The following CRYBG1 variants were observed in gnomAD, a reference collection of about 807,000 sequenced individuals.
The protein encoded by CRYBG1 is crystallin beta-gamma domain containing 1.
Under a neutral mutation model 189.2 loss-of-function variants are expected in CRYBG1, and 139 were observed. That is an observed-to-expected ratio of 0.73 (90% CI 0.64 to 0.85). CRYBG1 has a LOEUF of 0.85. Ranked by LOEUF, CRYBG1 falls within the 40% of genes least tolerant of loss-of-function variation. The pLI, the probability that CRYBG1 is intolerant of heterozygous loss-of-function variation, is 0.00. For missense variants in CRYBG1, 2,611 were observed against 2,675.8 expected, an observed-to-expected ratio of 0.98 and a Z score of 0.53; for synonymous variants, 1,023 against 1,017.1, an observed-to-expected ratio of 1.01 and a Z score of -0.11.
rs764476715 is a variant in CRYBG1, at chr6:106,499,132, T to TG, written c.313-12298_313-12297insG. 5.9e-3 allele frequency among the ~76,000 whole-genome samples: 307 copies of TG among 51,798 alleles called. 6 individuals carry two copies. In the East Asian group the frequency reaches 0.066, roughly 11 times the overall value. The allele number at this position is 51,798 out of a possible 152,430, so 34.0% of individuals were successfully genotyped here. A position where few individuals can be genotyped will look rare whatever the true frequency, so the allele number is the denominator to read the frequency against. On this transcript the variant is annotated intron_variant, in intron 2 of 21. Transcript: ENST00000633556. ...TTTTTTTGTTTGTGTGTTTTTTGTTTTTTGTTTGTTTGTTTGTTTGTTTGT... is the reference window on the plus strand; with the variant it reads ...TTTTTTTGTTTGTGTGTTTTTTGTTTGTTTGTTTGTTTGTTTGTTTGTTTGT...
intron 1 of CRYBG1, among the ~76,000 whole-genome samples, chr6:106,445,513 C>T (rs569569006): frequency 3.3e-5 from 5 of 152,304 alleles, no homozygotes; most frequent in African/African-American, 1.2e-4. Context: ...AAAGTACCAT[C>T]TATATAATTC....
chr6:106,375,411 A>G (rs914174847), intron 1 of CRYBG1, among the ~76,000 whole-genome samples: 2 of 137,690 alleles, frequency 1.5e-5, no homozygotes, highest in African/African-American at 6.0e-5. Flanking sequence ...GTAAGTAAGT[A>G]AGTAAGTAAG....
rs1291241201 is a variant in CRYBG1, at chr6:106,570,724, A to G, written c.*2158A>G. 6.6e-6 allele frequency: 1 copy of G among 152,226 alleles called. No homozygotes were observed. Among genetic ancestry groups the G allele is most frequent in the African/African-American group, 2.4e-5 (1 of 41,460 alleles). 9.4% of individuals were successfully genotyped at this position (152,226 alleles called of 1,614,324 possible). On this transcript the variant is annotated 3_prime_UTR_variant, in exon 22 of 22. Coordinates refer to ENST00000633556, the MANE Select transcript of CRYBG1 (RefSeq NM_001371242.2). ...CTGAGGCTGCTCCAGATGGAAGTCA[A>G]GAGCAGCTGGTATTTACACCTGGAA...
At chr6:106,495,777 A>T (rs1772834280) in intron 2 of CRYBG1, among the ~76,000 whole-genome samples, 1 of 144,378 alleles carries the variant, frequency 6.9e-6, no homozygotes, top group African/African-American at 2.5e-5. Flanking sequence ...CCCATTGTTG[A>T]GTGTACTATA....
chr6:106,484,525 G>A (rs112561261), intron 2 of CRYBG1, among the ~76,000 whole-genome samples: 2 of 152,166 alleles, frequency 1.3e-5, no homozygotes, highest in African/African-American at 4.8e-5. Flanking sequence ...TTGCCATGTT[G>A]CCCAGGCTGG....
chr6:106,521,968 C>T (rs753942518), intron 4 of CRYBG1, among the ~76,000 whole-genome samples: 12 of 152,172 alleles, frequency 7.9e-5, no homozygotes, highest in South Asian at 2.1e-4. Context: ...CTCCTGACCT[C>T]GTGATCCATC....
intron 1 of CRYBG1, among the ~76,000 whole-genome samples, chr6:106,372,825 T>C (rs1415112091): frequency 1.3e-5 from 2 of 152,238 alleles, no homozygotes; most frequent in African/African-American, 2.4e-5. Flanking sequence ...GTCTTCATAG[T>C]AGCTGTGCCA....
intron 2 of CRYBG1, among the ~76,000 whole-genome samples, chr6:106,452,486 A>G (rs1279336822): frequency 6.6e-6 from 1 of 151,182 alleles, no homozygotes; most frequent in Non-Finnish European, 1.5e-5. Context: ...TGCTGCCTTC[A>G]GGTGTCTTCC....
chr6:106,404,780 T>C (rs947911859), intron 1 of CRYBG1, among the ~76,000 whole-genome samples: 1 of 147,818 alleles, frequency 6.8e-6, no homozygotes, highest in Non-Finnish European at 1.5e-5. Flanking sequence ...GCGCAAGGGG[T>C]TGGGGAACGC....
intron 2 of CRYBG1, among the ~76,000 whole-genome samples, chr6:106,479,901 A>G (rs778131617): frequency 6.6e-6 from 1 of 152,208 alleles, no homozygotes; most frequent in Non-Finnish European, 1.5e-5. Flanking sequence ...TAGAAGCACA[A>G]AAGTTTTTAA....
chr6:106,469,283 A>G (rs4563758), intron 2 of CRYBG1, among the ~76,000 whole-genome samples: 12,818 of 152,264 alleles, frequency 0.084, 707 homozygotes, highest in East Asian at 0.22. Context: ...AAAGCCACTC[A>G]GACATGACTG....
rs1257476955 is a variant in CRYBG1, at chr6:106,551,940, A to G, written c.5401A>G (p.Lys1801Glu). 1.9e-6 allele frequency: 3 copies of G among 1,611,298 alleles called. No individual in the cohort carries two copies. The highest frequency in any genetic ancestry group is 1.3e-5 in the African/African-American group (1 of 74,860). ...TACCAGTTTTGAGGACTGGGGAGGCAAAAATTGTAAGATCTCTTCTGTTCA... is the reference window on the plus strand; with the variant it reads ...TACCAGTTTTGAGGACTGGGGAGGCGAAAATTGTAAGATCTCTTCTGTTCA... ...FYTSFEDWGG[K>E]NCKISSVQPI... Residue 1801 changes from lysine to glutamate, a missense_variant, in exon 14 of 22, where the codon AAA becomes GAA. Lys to Glu is a moderately conservative substitution (Grantham distance 56, BLOSUM62 1). Coordinates refer to ENST00000633556, the MANE Select transcript of CRYBG1 (RefSeq NM_001371242.2).
intron 1 of CRYBG1, among the ~76,000 whole-genome samples, chr6:106,361,975 T>TCTTTCTTTCTTTCTTTCTTTCTTCCTTTC (rs373178193): frequency 7.7e-6 from 1 of 129,930 alleles, no homozygotes; most frequent in African/African-American, 3.0e-5. Context: ...CTTTCTTTTT[T>TCTTTCTTTCTTTCTTTCTTTCTTCCTTTC]TTTTTTTTTT....
At chr6:106,503,875 T>C (rs1180504968) in intron 2 of CRYBG1, among the ~76,000 whole-genome samples, 1 of 152,024 alleles carries the variant, frequency 6.6e-6, no homozygotes, top group Non-Finnish European at 1.5e-5. Flanking sequence ...TTAACTTTTA[T>C]AATTGATGGC....
intron 2 of CRYBG1, among the ~76,000 whole-genome samples, chr6:106,462,357 A>C (rs1038364793): frequency 2.6e-5 from 4 of 152,060 alleles, no homozygotes; most frequent in Non-Finnish European, 4.4e-5. Flanking sequence ...TTTTTAGTAG[A>C]GACAGGGTTT....
At chr6:106,506,729 A>G (rs1022547919) in intron 2 of CRYBG1, among the ~76,000 whole-genome samples, 1 of 152,144 alleles carries the variant, frequency 6.6e-6, no homozygotes, top group Non-Finnish European at 1.5e-5. Flanking sequence ...CTGGGATTAC[A>G]GGTGTGAGCC....
At position 106,512,727 on chromosome 6, in the gene CRYBG1, C is replaced by T; in HGVS notation, c.1610C>T (p.Ala537Val). Residue 537 changes from alanine to valine, a missense_variant, in exon 3 of 22, where the codon GCC becomes GTC. Physicochemically the swap from Ala to Val is moderately conservative, Grantham distance 64. Transcript: ENST00000633556. ...APPASGPRAP[A>V]KESPPKRVPD... is the part of the protein sequence containing the mutation. Reference sequence around the variant, plus strand: ...CCCGCCAGCGGCCCCCGGGCTCCCGCCAAGGAGTCCCCACCCAAGAGGGTG... The same window carrying T: ...CCCGCCAGCGGCCCCCGGGCTCCCGTCAAGGAGTCCCCACCCAAGAGGGTG... 6.4e-7 allele frequency: 1 copy of T among 1,560,884 alleles called. No homozygotes were observed. Among genetic ancestry groups the T allele is most frequent in the Non-Finnish European group, 8.7e-7 (1 of 1,153,304 alleles).
chr6:106,547,990 A>G lies in CRYBG1; in HGVS notation c.5312+3057A>G, dbSNP rs78167338. ...ATTTCTGGTATTCAGATGAAAACGA[A>G]AAGTGTTGTTGTTTTAAATTCTTTT... On this transcript the variant is annotated intron_variant, in intron 13 of 21. Coordinates refer to ENST00000633556, the MANE Select transcript of CRYBG1 (RefSeq NM_001371242.2). Among the ~76,000 whole-genome samples the G allele has an allele frequency of 5.6e-3, 854 of 152,340 alleles. 5 individuals carry two copies. The highest frequency in any genetic ancestry group is 0.019 in the African/African-American group (804 of 41,558).
At chr6:106,561,628 A>G (rs901018256) in intron 20 of CRYBG1, 128 bp downstream of exon 20, 2 of 1,212,332 alleles carry the variant, frequency 1.6e-6, no homozygotes, top group Non-Finnish European at 1.1e-6. Context: ...TCAGAAATGA[A>G]TTTGTTTTTT....
Sources: gnomAD v4.1 joint callset for allele counts (sites outside exome capture counted in the v4.1 genomes callset) on GRCh38, gnomAD v4.1.1 for gene constraint, MANE v1.5 for transcripts, NCBI Gene and HGNC (gene_info 2026-07-23, HGNC 2026-07-21) for gene names.